The following PTPRA variants were observed in gnomAD, a reference collection of about 807,000 sequenced individuals.
The protein encoded by PTPRA is receptor-type tyrosine-protein phosphatase alpha.
PTPRA carries 25 observed loss-of-function variants against 104.8 expected under a neutral mutation model. The ratio of observed to expected loss-of-function variants is 0.24; its 90% CI spans 0.17 to 0.33. The LOEUF is 0.33. Among genes scored for constraint, PTPRA ranks in the 10% least tolerant of loss-of-function variants. PTPRA has a pLI of 1.00. For synonymous variants in PTPRA, 323 were observed against 368.9 expected (o/e 0.88, Z 1.43); for missense variants, 765 against 1,015.3 (o/e 0.75, Z 3.35).
At position 3,005,130 on chromosome 20, in the gene PTPRA, T is replaced by G; in HGVS notation, c.813T>G (p.Tyr271Ter). Residue 271 changes from tyrosine to a stop codon, truncating the protein, a stop_gained, in exon 10 of 24, where the codon TAT becomes TAG. Transcript: ENST00000399903. LOFTEE classifies it high-confidence loss of function. Reference protein sequence around the residue: ...SKEENKEKNRYVNILPYDHSR... With the variant: ...SKEENKEKNR ...AGGAAAACAAGGAAAAAAATCGATA[T>G]GTAAACATCTTGCCTTGTGAGTGTC... 6.2e-7 allele frequency: 1 copy of G among 1,602,254 alleles called. No individual in the cohort carries two copies. Among genetic ancestry groups the G allele is most frequent in the Non-Finnish European group, 8.6e-7 (1 of 1,169,182 alleles).
At chr20:2,936,776 T>A (rs191875693) in intron 2 of PTPRA, among the ~76,000 whole-genome samples, 28 of 152,168 alleles carry the variant, frequency 1.8e-4, no homozygotes, top group African/African-American at 6.7e-4. Context: ...CGTGGTCTAG[T>A]TGGGTTCTTT....
At chr20:2,896,882 T>A (rs2147052799) in intron 1 of PTPRA, among the ~76,000 whole-genome samples, 1 of 152,342 alleles carries the variant, frequency 6.6e-6, no homozygotes, top group African/African-American at 2.4e-5. Context: ...GTCTGTTCAG[T>A]CTCTTTTAAT....
intron 3 of PTPRA, among the ~76,000 whole-genome samples, chr20:2,948,834 C>G (rs2061247473): frequency 6.6e-6 from 1 of 152,078 alleles, no homozygotes; most frequent in African/African-American, 2.4e-5. Flanking sequence ...CACCTGTAGT[C>G]CCAGCTGCTG....
intron 2 of PTPRA, among the ~76,000 whole-genome samples, chr20:2,935,051 A>G (rs1332570928): frequency 1.3e-5 from 2 of 152,178 alleles, no homozygotes; most frequent in African/African-American, 4.8e-5. Flanking sequence ...TACATACAAT[A>G]TATTGTTATT....
At chr20:2,881,174 G>A (rs1483383116) in intron 1 of PTPRA, among the ~76,000 whole-genome samples, 2 of 151,034 alleles carry the variant, frequency 1.3e-5, no homozygotes, top group African/African-American at 2.5e-5. Context: ...GGGCGTGGTG[G>A]CGTGTGCCTC....
chr20:3,021,070 G>A (rs965108416), intron 13 of PTPRA, among the ~76,000 whole-genome samples: 1 of 152,214 alleles, frequency 6.6e-6, no homozygotes, highest in African/African-American at 2.4e-5. Flanking sequence ...ACATTGAGAA[G>A]TATGGGGCTA....
At chr20:2,953,851 A>G (rs2061438755) in intron 3 of PTPRA, among the ~76,000 whole-genome samples, 1 of 150,698 alleles carries the variant, frequency 6.6e-6, no homozygotes, top group African/African-American at 2.4e-5. Flanking sequence ...TTGGCCTCCC[A>G]AAGTGTTGGG....
At chr20:2,887,659 C>T (rs568459160) in intron 1 of PTPRA, among the ~76,000 whole-genome samples, 2 of 152,092 alleles carry the variant, frequency 1.3e-5, no homozygotes, top group Non-Finnish European at 2.9e-5. Context: ...AATAGCTTAA[C>T]GAGCAACTAA....
intron 3 of PTPRA, among the ~76,000 whole-genome samples, chr20:2,949,369 C>T (rs6084211): frequency 3.3e-5 from 5 of 150,894 alleles, no homozygotes; most frequent in African/African-American, 1.2e-4. Flanking sequence ...CATGCCTGGC[C>T]TAAATTCTCG....
At chr20:2,910,588 T>TTTTTTTTTTTTTTTTTTTTTTA (rs2059675245) in intron 1 of PTPRA, among the ~76,000 whole-genome samples, 1 of 92,742 alleles carries the variant, frequency 1.1e-5, no homozygotes, top group East Asian at 3.7e-4. Flanking sequence ...GTTTTTTTTT[T>TTTTTTTTTTTTTTTTTTTTTTA]GTTTTTTTTT....
chr20:2,913,809 T>TGAG (rs1314562223), intron 1 of PTPRA, among the ~76,000 whole-genome samples: 89 of 152,246 alleles, frequency 5.8e-4, no homozygotes, highest in African/African-American at 2.1e-3. Flanking sequence ...CAGTATTTTA[T>TGAG]GAGGAGGAGG....
At chr20:3,005,179 C>A in intron 10 of PTPRA, 33 bp downstream of exon 10, 1 of 1,516,996 alleles carries the variant, frequency 6.6e-7, no homozygotes, top group South Asian at 1.1e-5. Context: ...GGGATGTAAC[C>A]TGAAATTACA....
Position 2,897,740 on chromosome 20 carries a change from T to G in PTPRA, c.-129+23980T>G, listed in dbSNP as rs115846299. ...AAGCTTTCTCTCTCTGGTTTTTGTC[T>G]TTGTTTTTGTTTGTTTAAAAATCTT... is the stretch of plus-strand genomic sequence containing the variant. On this transcript the variant is annotated intron_variant, in intron 1 of 23. Coordinates refer to ENST00000399903, the MANE Select transcript of PTPRA (RefSeq NM_001385305.1). 8.9e-3 allele frequency among the ~76,000 whole-genome samples: 1,359 copies of G among 152,178 alleles called. 21 individuals carry two copies. Among genetic ancestry groups the G allele is most frequent in the African/African-American group, 0.031 (1,305 of 41,520 alleles).
chr20:2,939,871 C>T (rs1311778790), intron 2 of PTPRA, among the ~76,000 whole-genome samples: 3 of 152,178 alleles, frequency 2.0e-5, no homozygotes, highest in Non-Finnish European at 2.9e-5. Flanking sequence ...CTTTGGGAGG[C>T]CAAGGCGAGC....
chr20:2,865,236 A>T, the PTPRA span: 1 of 1,614,154 alleles, frequency 6.2e-7, no homozygotes, highest in Non-Finnish European at 8.5e-7. The surrounding 1 kb of genome is among the most constrained non-coding windows in gnomAD (Gnocchi z 5.2). Context: ...TCTCTACATG[A>T]CACAGTTACC....
chr20:2,902,441 T>G (rs1286612267), intron 1 of PTPRA, among the ~76,000 whole-genome samples: 11 of 152,200 alleles, frequency 7.2e-5, no homozygotes, highest in Admixed American at 7.2e-4. Flanking sequence ...TCTCTTATGC[T>G]GGTCCCAGAT....
At chr20:3,026,424 C>T (rs2148461699) in intron 17 of PTPRA, among the ~76,000 whole-genome samples, 1 of 152,262 alleles carries the variant, frequency 6.6e-6, no homozygotes, top group Non-Finnish European at 1.5e-5. Flanking sequence ...TCCTACGATG[C>T]TGGAATCCCT....
intron 11 of PTPRA, among the ~76,000 whole-genome samples, chr20:3,008,155 A>C (rs2063963938): frequency 6.6e-6 from 1 of 152,254 alleles, no homozygotes; most frequent in African/African-American, 2.4e-5. Flanking sequence ...AGAAGACTGG[A>C]TAAAATTTCC....
chr20:2,992,036 T>G (rs907928909), intron 9 of PTPRA, among the ~76,000 whole-genome samples: 11 of 152,324 alleles, frequency 7.2e-5, no homozygotes, highest in African/African-American at 1.2e-4. Flanking sequence ...GCCAGCATGT[T>G]TCACCAAGCA....
Sources: allele counts gnomAD v4.1 joint callset (sites outside exome capture counted in the v4.1 genomes callset), GRCh38; gene constraint gnomAD v4.1.1; non-coding constraint Gnocchi (gnomAD v3.1); transcripts MANE v1.5; gene names NCBI Gene and HGNC (gene_info 2026-07-23, HGNC 2026-07-21).